NRCAM: variants seen among roughly 807,000 people sequenced by gnomAD.
The protein encoded by NRCAM is neuronal cell adhesion molecule, also known as NgCAM-related cell adhesion molecule.
A neutral mutation model predicts 156.5 loss-of-function variants in NRCAM; 83 were observed. That is an observed-to-expected ratio of 0.53 (90% CI 0.44 to 0.64). The LOEUF is 0.64. Among genes scored for constraint, NRCAM ranks in the 30% least tolerant of loss-of-function variants. The pLI, the probability that NRCAM is intolerant of heterozygous loss-of-function variation, is 0.00. For synonymous variants in NRCAM, 538 were observed against 563.9 expected (o/e 0.95, Z 0.65); for missense variants, 1,417 against 1,597.3 (o/e 0.89, Z 1.92).
At chr7:108,174,480 G>C (rs1170170320) in intron 28 of NRCAM, among the ~76,000 whole-genome samples, 1 of 152,222 alleles carries the variant, frequency 6.6e-6, no homozygotes, top group Admixed American at 6.5e-5. Context: ...CGTGAAAACA[G>C]TGCCCAGTGG....
intron 28 of NRCAM, 58 bp downstream of exon 28, chr7:108,175,264 C>T: frequency 7.1e-7 from 1 of 1,417,688 alleles, no homozygotes; most frequent in Non-Finnish European, 9.7e-7. Context: ...TGCACTTCCC[C>T]ATGTTTCACA....
At chr7:108,186,552 G>C (rs2066900823) in intron 20 of NRCAM, among the ~76,000 whole-genome samples, 1 of 152,002 alleles carries the variant, frequency 6.6e-6, no homozygotes, top group African/African-American at 2.4e-5. Context: ...TCTTGTGTGA[G>C]TTATCACATA....
At chr7:108,361,737 T>C (rs899941663) in intron 2 of NRCAM, among the ~76,000 whole-genome samples, 5 of 152,164 alleles carry the variant, frequency 3.3e-5, no homozygotes, top group East Asian at 1.9e-4. Context: ...GTCTCCACAA[T>C]TGAGTGAGCC....
At chr7:108,322,429 CG>C (rs1224614060) in intron 2 of NRCAM, among the ~76,000 whole-genome samples, 3 of 152,294 alleles carry the variant, frequency 2.0e-5, no homozygotes, top group African/African-American at 7.2e-5. Context: ...GTTTATCCCA[CG>C]TTCCCTATTG....
chr7:108,374,161 G>T (rs1485438697), intron 2 of NRCAM, among the ~76,000 whole-genome samples: 2 of 152,170 alleles, frequency 1.3e-5, no homozygotes, highest in Non-Finnish European at 1.5e-5. Flanking sequence ...AAGTACATGA[G>T]AGTAAGCAGT....
At position 108,240,830 on chromosome 7, in the gene NRCAM, A is replaced by C. The variant is rs541830377; in HGVS notation, c.-106-660T>G. Among the ~76,000 whole-genome samples the C allele has an allele frequency of 2.0e-5, 3 of 152,300 alleles. No individual in the cohort carries two copies. In the South Asian group the frequency reaches 6.2e-4, roughly 32 times the overall value. Reference sequence around the variant, plus strand: ...AAGTCCAATGTATCTTTAAACAAGTACTTAAAAATCTCAGTGATCTGGGCT... The same window carrying C: ...AAGTCCAATGTATCTTTAAACAAGTCCTTAAAAATCTCAGTGATCTGGGCT... On this transcript the variant is annotated intron_variant, in intron 3 of 32. Coordinates refer to ENST00000379028, the MANE Select transcript of NRCAM (RefSeq NM_001037132.4).
chr7:108,289,742 A>G (rs1303366051), intron 3 of NRCAM, among the ~76,000 whole-genome samples: 1 of 152,118 alleles, frequency 6.6e-6, no homozygotes, highest in Non-Finnish European at 1.5e-5. Flanking sequence ...AATTATTCTA[A>G]CCCACTGGGT....
Position 108,240,029 on chromosome 7 carries a change from T to A in NRCAM, c.36A>T (p.Leu12Phe). The change falls in exon 4 of 33, where the codon TTA (leucine) becomes TTT (phenylalanine). Residue 12 changes from leucine to phenylalanine, a missense_variant. Coordinates refer to ENST00000379028, the MANE Select transcript of NRCAM (RefSeq NM_001037132.4). ...GAATCAGGGGCACTCTGCCCGCAGA[T>A]AAGCGCTTCTTTTTCGGCATTATTT... is the stretch of plus-strand genomic sequence containing the variant. ...QLKIMPKKKR[L>F]SAGRVPLILF... The A allele has an allele frequency of 6.2e-7, 1 of 1,613,350 alleles. No individual in the cohort carries two copies.
At chr7:108,218,176 G>T (rs180749874) in intron 11 of NRCAM, among the ~76,000 whole-genome samples, 6,018 of 130,272 alleles carry the variant, frequency 0.046, 173 homozygotes, top group Middle Eastern at 0.073. Flanking sequence ...CCTTGGCTGG[G>T]GGGGGGGGGG....
chr7:108,318,092 C>T (rs2300021), intron 2 of NRCAM, among the ~76,000 whole-genome samples: 71,764 of 128,114 alleles, frequency 0.56, 20,766 homozygotes, highest in East Asian at 0.82. Flanking sequence ...GTCGCCCAGA[C>T]TGGAGTGGAG....
chr7:108,344,076 C>T (rs890516448), intron 2 of NRCAM, among the ~76,000 whole-genome samples: 1 of 152,156 alleles, frequency 6.6e-6, no homozygotes, highest in Non-Finnish European at 1.5e-5. Context: ...TGCACCACCC[C>T]TACTATGCCC....
intron 13 of NRCAM, among the ~76,000 whole-genome samples, chr7:108,200,923 G>C (rs886544639): frequency 1.5e-4 from 23 of 152,192 alleles, no homozygotes; most frequent in Non-Finnish European, 2.5e-4. Context: ...CTCATAAGTG[G>C]GAGCTAAGCT....
At chr7:108,442,914 A>G (rs1840207024) in intron 1 of NRCAM, among the ~76,000 whole-genome samples, 1 of 152,260 alleles carries the variant, frequency 6.6e-6, no homozygotes, top group Non-Finnish European at 1.5e-5. Flanking sequence ...CATAATAAAA[A>G]TAGCCATAAT....
chr7:108,383,408 A>G (rs1324994359), intron 2 of NRCAM, among the ~76,000 whole-genome samples: 3 of 152,366 alleles, frequency 2.0e-5, no homozygotes, highest in South Asian at 2.1e-4. Flanking sequence ...GTGAAAACAA[A>G]TAAGATACGG....
intron 11 of NRCAM, among the ~76,000 whole-genome samples, chr7:108,215,760 C>CAAAAGGAGG (rs2088148684): frequency 7.6e-6 from 1 of 131,754 alleles, no homozygotes; most frequent in Non-Finnish European, 1.6e-5. Context: ...TTTTCATTTG[C>CAAAAGGAGG]TTGGTAAATA....
intron 1 of NRCAM, among the ~76,000 whole-genome samples, chr7:108,427,029 C>A (rs1024705444): frequency 2.0e-5 from 3 of 152,210 alleles, no homozygotes; most frequent in African/African-American, 7.2e-5. Flanking sequence ...CATATTCCAA[C>A]ACCGAAGCTC....
chr7:108,376,041 C>A (rs1045218744), intron 2 of NRCAM, among the ~76,000 whole-genome samples: 4 of 152,166 alleles, frequency 2.6e-5, no homozygotes, highest in African/African-American at 4.8e-5. Context: ...GAGATGGACA[C>A]CTGTTGGTGT....
chr7:108,396,779 G>C (rs1244230185), intron 2 of NRCAM, among the ~76,000 whole-genome samples: 1 of 152,162 alleles, frequency 6.6e-6, no homozygotes, highest in Non-Finnish European at 1.5e-5. Context: ...GTGCCTAAAA[G>C]TGTTGGTTTT....
chr7:108,356,027 C>G (rs924537247), intron 2 of NRCAM, among the ~76,000 whole-genome samples: 2 of 151,456 alleles, frequency 1.3e-5, no homozygotes, highest in Non-Finnish European at 2.9e-5. Context: ...CGGCTCATTG[C>G]AACCTCTGCC....
Sources: allele counts gnomAD v4.1 joint callset (sites outside exome capture counted in the v4.1 genomes callset), GRCh38; gene constraint gnomAD v4.1.1; transcripts MANE v1.5; gene names NCBI Gene and HGNC (gene_info 2026-07-23, HGNC 2026-07-21).